Variants in FHIT observed in about 807,000 individuals in gnomAD.
FHIT encodes the protein bis(5'-adenosyl)-triphosphatase.
In FHIT, 19 loss-of-function variants were observed where a neutral mutation model predicts 17.9. The observed-to-expected ratio is 1.06, with a 90% CI of 0.74 to 1.56. FHIT has a LOEUF of 1.56. Ranked by LOEUF, FHIT falls within the 40% of genes most tolerant of loss-of-function variation. The probability of loss-of-function intolerance (pLI) is 0.00; values close to 1 mark genes in which losing one functional copy is unlikely to be tolerated. For missense variants in FHIT, 248 were observed against 189.2 expected, an observed-to-expected ratio of 1.31 and a Z score of -1.82; for synonymous variants, 81 against 69.7, an observed-to-expected ratio of 1.16 and a Z score of -0.81.
intron 3 of FHIT, among the ~76,000 whole-genome samples, chr3:60,851,011 C>T (rs1553748111): frequency 1.3e-5 from 2 of 152,070 alleles, no homozygotes; most frequent in Non-Finnish European, 2.9e-5. Context: ...TACACACATA[C>T]ACAAAGGAAA....
At chr3:60,988,275 A>T (rs965035043) in intron 3 of FHIT, among the ~76,000 whole-genome samples, 2 of 152,244 alleles carry the variant, frequency 1.3e-5, no homozygotes, top group African/African-American at 4.8e-5. Context: ...TATATGCCAC[A>T]TGAAAATAAA....
At chr3:60,559,502 T>A (rs2036856533) in intron 4 of FHIT, among the ~76,000 whole-genome samples, 3 of 152,200 alleles carry the variant, frequency 2.0e-5, no homozygotes, top group Admixed American at 2.0e-4. Context: ...ACTTTCTCAT[T>A]TAATAAGGTT....
At chr3:60,227,634 A>G (rs1304985202) in intron 5 of FHIT, among the ~76,000 whole-genome samples, 1 of 152,194 alleles carries the variant, frequency 6.6e-6, no homozygotes, top group African/African-American at 2.4e-5. Context: ...ATTTACCTCC[A>G]ATTAGGTAAA....
intron 5 of FHIT, among the ~76,000 whole-genome samples, chr3:60,483,492 G>A (rs1299715517): frequency 6.6e-6 from 1 of 152,170 alleles, no homozygotes; most frequent in Admixed American, 6.5e-5. Flanking sequence ...GATCAAGTCA[G>A]CTTCATTCCT....
chr3:59,839,335 A>T (rs1433984313), intron 8 of FHIT, among the ~76,000 whole-genome samples: 1 of 151,910 alleles, frequency 6.6e-6, no homozygotes, highest in Non-Finnish European at 1.5e-5. Flanking sequence ...AAAAAAACAA[A>T]AAGAAAAGAA....
intron 8 of FHIT, among the ~76,000 whole-genome samples, chr3:59,786,425 C>T (rs1310476528): frequency 6.6e-6 from 1 of 152,190 alleles, no homozygotes; most frequent in Non-Finnish European, 1.5e-5. Context: ...TTTCCCTAGC[C>T]ATTTCTGGAT....
At chr3:61,038,177 T>C (rs1468808512) in intron 3 of FHIT, among the ~76,000 whole-genome samples, 1 of 152,218 alleles carries the variant, frequency 6.6e-6, no homozygotes, top group East Asian at 1.9e-4. Flanking sequence ...CCAAAACCAA[T>C]GATGAATCTC....
chr3:60,972,130 T>C (rs911351384), intron 3 of FHIT, among the ~76,000 whole-genome samples: 3 of 152,230 alleles, frequency 2.0e-5, no homozygotes, highest in African/African-American at 7.2e-5. Flanking sequence ...ACTTTGATTG[T>C]TTTAAACAAT....
At chr3:60,591,841 A>G (rs1203629841) in intron 4 of FHIT, among the ~76,000 whole-genome samples, 9 of 152,006 alleles carry the variant, frequency 5.9e-5, no homozygotes, top group African/African-American at 2.2e-4. Context: ...GCTCTACCTT[A>G]CAGTACACAC....
chr3:60,162,484 CTAAA>C (rs1467094556), intron 5 of FHIT, among the ~76,000 whole-genome samples: 1 of 152,100 alleles, frequency 6.6e-6, no homozygotes, highest in Non-Finnish European at 1.5e-5. Context: ...CTCAGTTTCC[CTAAA>C]TATTTAGAAA....
intron 7 of FHIT, among the ~76,000 whole-genome samples, chr3:59,993,939 A>G (rs1699397035): frequency 6.6e-6 from 1 of 152,066 alleles, no homozygotes; most frequent in Non-Finnish European, 1.5e-5. Context: ...AATAGCTAAC[A>G]TGCACTGAGT....
At chr3:59,794,903 T>C (rs558228214) in intron 8 of FHIT, among the ~76,000 whole-genome samples, 1 of 152,336 alleles carries the variant, frequency 6.6e-6, no homozygotes, top group South Asian at 2.1e-4. Context: ...TTAAACCTCC[T>C]GGACCCTACC....
chr3:59,864,967 A>C (rs887295415), intron 8 of FHIT, among the ~76,000 whole-genome samples: 4 of 152,178 alleles, frequency 2.6e-5, no homozygotes, highest in East Asian at 1.9e-4. Context: ...CAGGCTCATA[A>C]TTAGTTGTAT....
At chr3:60,011,740 G>T (rs898182528) in intron 6 of FHIT, among the ~76,000 whole-genome samples, 2 of 152,190 alleles carry the variant, frequency 1.3e-5, no homozygotes, top group Non-Finnish European at 1.5e-5. Flanking sequence ...GTTATGTTTA[G>T]AGGTGGTTTA....
intron 5 of FHIT, among the ~76,000 whole-genome samples, chr3:60,525,005 G>A (rs987927580): frequency 6.6e-6 from 1 of 152,200 alleles, no homozygotes; most frequent in Non-Finnish European, 1.5e-5. Flanking sequence ...GGCAATGGTT[G>A]ATGGCAGGGG....
intron 3 of FHIT, among the ~76,000 whole-genome samples, chr3:61,005,237 T>A (rs529324161): frequency 3.7e-4 from 57 of 152,344 alleles, no homozygotes; most frequent in Middle Eastern, 3.4e-3. Context: ...GACTTCTCCA[T>A]TATTTTATGT....
intron 1 of FHIT, among the ~76,000 whole-genome samples, chr3:61,240,344 G>A (rs2040344538): frequency 6.6e-6 from 1 of 152,166 alleles, no homozygotes; most frequent in African/African-American, 2.4e-5. Context: ...GCTTTGCACA[G>A]CACAACTCCA....
intron 4 of FHIT, among the ~76,000 whole-genome samples, chr3:60,584,444 T>G (rs1218274606): frequency 6.6e-6 from 1 of 152,010 alleles, no homozygotes; most frequent in Non-Finnish European, 1.5e-5. Context: ...AACTGTGGGT[T>G]CAGGGAAAGG....
chr3:60,745,359 C>T (rs2042335058), intron 4 of FHIT, among the ~76,000 whole-genome samples: 1 of 152,088 alleles, frequency 6.6e-6, no homozygotes, highest in African/African-American at 2.4e-5. Context: ...AACATAAGGA[C>T]TGAATAAAGA....
Sources: allele counts gnomAD v4.1 joint callset (sites outside exome capture counted in the v4.1 genomes callset), GRCh38; gene constraint gnomAD v4.1.1; transcripts MANE v1.5; gene names NCBI Gene and HGNC (gene_info 2026-07-23, HGNC 2026-07-21).